Variants in RPAP3 observed in about 807,000 individuals in gnomAD.
RPAP3 encodes the protein RNA polymerase II associated protein 3.
RPAP3 carries 58 observed loss-of-function variants against 88.8 expected under a neutral mutation model. The observed-to-expected ratio is 0.65, with a 90% confidence interval of 0.53 to 0.81. The LOEUF is 0.81. Ranked by LOEUF, RPAP3 falls within the 40% of genes least tolerant of loss-of-function variation. RPAP3 has a pLI of 0.00. For missense variants in RPAP3, 751 were observed against 764.3 expected, an observed-to-expected ratio of 0.98 and a Z score of 0.20; for synonymous variants, 255 against 259.9, an observed-to-expected ratio of 0.98 and a Z score of 0.18.
chr12:47,697,622 T>C lies in RPAP3; in HGVS notation c.392A>G (p.Gln131Arg). 6.2e-7 allele frequency: 1 copy of C among 1,609,436 alleles called. No homozygotes were observed. The highest frequency in any genetic ancestry group is 1.7e-4 in the Middle Eastern group (1 of 6,038). ...SEEDGIHVDS[Q>R]KALVLKEKGN... Reference sequence around the variant, plus strand: ...CTTTTCTTTTAAAACAAGAGCCTTTTGTGAATCTACATGAATCCCATCTTC... The same window carrying C: ...CTTTTCTTTTAAAACAAGAGCCTTTCGTGAATCTACATGAATCCCATCTTC... The change falls in exon 4 of 17, where the codon CAA becomes CGA. Residue 131 changes from glutamine to arginine, a missense_variant. By Grantham distance (43) the Gln-to-Arg change is conservative (BLOSUM62 1). Coordinates refer to ENST00000005386, the MANE Select transcript of RPAP3 (RefSeq NM_024604.3).
At chr12:47,693,883 ACC>A (rs1939474420) in intron 5 of RPAP3, among the ~76,000 whole-genome samples, 2 of 152,238 alleles carry the variant, frequency 1.3e-5, no homozygotes, top group South Asian at 4.1e-4. Context: ...TCTAACAAAG[ACC>A]TACCAAACAC....
At chr12:47,699,616 T>C (rs1939615483) in intron 3 of RPAP3, 2 of 152,292 alleles carry the variant, frequency 1.3e-5, no homozygotes, top group Admixed American at 6.5e-5. Flanking sequence ...CTACATGTAT[T>C]TATAAACTAT....
chr12:47,694,871 A>G (rs1412402670), intron 5 of RPAP3, among the ~76,000 whole-genome samples: 1 of 152,226 alleles, frequency 6.6e-6, no homozygotes, highest in Non-Finnish European at 1.5e-5. Flanking sequence ...GCCCAATTAT[A>G]TCAATGTTGG....
intron 3 of RPAP3, chr12:47,699,922 G>C (rs1241777854): frequency 2.0e-5 from 3 of 151,886 alleles, no homozygotes; most frequent in Admixed American, 6.6e-5. Context: ...CAGTGTAAGA[G>C]GTCAGAACAG....
chr12:47,705,043 C>T (rs903954017), intron 1 of RPAP3, among the ~76,000 whole-genome samples: 4 of 151,982 alleles, frequency 2.6e-5, no homozygotes, highest in South Asian at 2.1e-4. Flanking sequence ...ATGGAGATTA[C>T]AGTACATTTG....
At chr12:47,667,936 T>A in intron 14 of RPAP3, 85 bp from the exon 15 acceptor site, 1 of 903,080 alleles carries the variant, frequency 1.1e-6, no homozygotes, top group Non-Finnish European at 1.7e-6. Flanking sequence ...GTAAAAATAG[T>A]AAAGAATAAC....
Position 47,667,817 on chromosome 12 carries a change from T to C in RPAP3, c.1748A>G (p.Gln583Arg). The change falls in exon 15 of 17, where the codon CAG becomes CGG. Residue 583 changes from glutamine to arginine, a missense_variant. Transcript: ENST00000005386. Reference protein sequence around the residue: ...IEPSLYPKLFQKNLDPDVFNQ... With the variant: ...IEPSLYPKLFRKNLDPDVFNQ... The stretch of plus-strand genomic sequence containing the variant: ...GAATACATCTGGATCCAGATTTTTC[T>C]GAAACAACTTAGGATACAAAGATGG... 6.2e-7 allele frequency: 1 copy of C among 1,608,170 alleles called. No homozygotes were observed. Among genetic ancestry groups the C allele is most frequent in the Non-Finnish European group, 8.5e-7 (1 of 1,176,630 alleles).
intron 9 of RPAP3, among the ~76,000 whole-genome samples, chr12:47,685,845 T>C (rs1267959440): frequency 6.6e-6 from 1 of 152,216 alleles, no homozygotes; most frequent in Non-Finnish European, 1.5e-5. Context: ...TGTACTGTAA[T>C]TCTGAATATT....
rs375056834 is a variant in RPAP3 at position 47,679,522 on chromosome 12, T to G, written c.1258A>C (p.Ile420Leu). The G allele has an allele frequency of 1.2e-6, 2 of 1,604,786 alleles. No individual in the cohort carries two copies. Among genetic ancestry groups the G allele is most frequent in the South Asian group, 2.2e-5 (2 of 88,904 alleles). Residue 420 changes from isoleucine (I) to leucine (L), a missense_variant, in exon 12 of 17, where the codon ATT (isoleucine) becomes CTT (leucine). Transcript: ENST00000005386. ...GATCCAGGATGCGGTGGATTATCAA[T>G]GGGTTTTACCACATTTTGTCTTTGT... is the stretch of plus-strand genomic sequence containing the variant. ...STQRQNVVKP[I>L]DNPPHPGSTK...
chr12:47,686,946 ATTT>A, intron 8 of RPAP3, 39 bp from the exon 9 acceptor site: 2 of 1,250,382 alleles, frequency 1.6e-6, no homozygotes, highest in Non-Finnish European at 2.2e-6. Context: ...TAAAAAAAAA[ATTT>A]CAAAAAAAAT....
chr12:47,668,859 G>A, intron 14 of RPAP3, 57 bp downstream of exon 14: 3 of 1,328,240 alleles, frequency 2.3e-6, no homozygotes, highest in Non-Finnish European at 3.2e-6. Context: ...ATTATAAAGT[G>A]ACAGAAGTTC....
At chr12:47,681,901 G>T in intron 9 of RPAP3, 84 bp from the exon 10 acceptor site, 7 of 1,310,464 alleles carry the variant, frequency 5.3e-6, no homozygotes, top group Non-Finnish European at 7.2e-6. Context: ...AATTTAAAAA[G>T]CTTGTATATA....
chr12:47,694,317 G>C (rs1431379819), intron 5 of RPAP3, among the ~76,000 whole-genome samples: 2 of 152,144 alleles, frequency 1.3e-5, no homozygotes, highest in African/African-American at 4.8e-5. Context: ...AGATCCACGG[G>C]GGAAAGTAGG....
intron 12 of RPAP3, 89 bp downstream of exon 12, chr12:47,679,404 A>G (rs1368553192): frequency 5.0e-6 from 4 of 799,654 alleles, no homozygotes; most frequent in South Asian, 1.9e-5. Context: ...AATTAAAAAA[A>G]AAAAGTTTAT....
chr12:47,693,124 G>T (rs549194699), intron 5 of RPAP3, among the ~76,000 whole-genome samples: 1 of 151,940 alleles, frequency 6.6e-6, no homozygotes, highest in Non-Finnish European at 1.5e-5. Flanking sequence ...CAAGTGATCC[G>T]CCCGCCTCAG....
At chr12:47,689,234 G>A in intron 6 of RPAP3, 39 bp from the exon 7 acceptor site, 1 of 840,784 alleles carries the variant, frequency 1.2e-6, no homozygotes, top group Non-Finnish European at 1.9e-6. Context: ...TTTAAAGATA[G>A]GTAATATTTT....
intron 8 of RPAP3, 118 bp from the exon 9 acceptor site, chr12:47,687,025 T>C: frequency 6.2e-6 from 4 of 646,904 alleles, no homozygotes; most frequent in Non-Finnish European, 7.3e-6. Context: ...GAAAGAATAT[T>C]GTTAAAAATC....
rs550674751 is a variant in RPAP3, at chr12:47,701,506, C to G, written c.252G>C (p.Arg84Ser). 1 of 1,602,652 alleles carries G rather than the reference C, an allele frequency of 6.2e-7. No homozygotes were observed. The highest frequency in any genetic ancestry group is 2.3e-5 in the East Asian group (1 of 44,162). The change falls in exon 3 of 17, where the codon AGG becomes AGC. Residue 84 changes from arginine (R) to serine (S), a missense_variant. Coordinates refer to ENST00000005386, the MANE Select transcript of RPAP3 (RefSeq NM_024604.3). ...KKTREENTKN[R>S]IKSYDYEAWA... ...ATGCCTCATAATCATAAGATTTTAT[C>G]CTGTTTTTTGTGTTTTCCTCTCTGG...
At chr12:47,696,533 C>G in intron 4 of RPAP3, 130 bp from the exon 5 acceptor site, 1 of 571,204 alleles carries the variant, frequency 1.8e-6, no homozygotes, top group Non-Finnish European at 2.8e-6. Context: ...GAAGTCTACA[C>G]CAAGTGTGCC....
Sources: gnomAD v4.1 joint callset for allele counts (sites outside exome capture counted in the v4.1 genomes callset) on GRCh38, gnomAD v4.1.1 for gene constraint, MANE v1.5 for transcripts, NCBI Gene and HGNC (gene_info 2026-07-23, HGNC 2026-07-21) for gene names.